MTHFS: variants seen among roughly 807,000 people sequenced by gnomAD.
MTHFS encodes methenyltetrahydrofolate synthetase.
Under a neutral mutation model 12.7 loss-of-function variants are expected in MTHFS, and 7 were observed. That is an observed-to-expected ratio of 0.55 (90% CI 0.31 to 1.03). The LOEUF (loss-of-function observed/expected upper bound fraction) is 1.03, where lower values mean the gene tolerates loss of function less well. Ranked by LOEUF, MTHFS falls within the 50% of genes least tolerant of loss-of-function variation. MTHFS has a pLI of 0.05. For missense variants in MTHFS, 252 were observed against 258.1 expected, an observed-to-expected ratio of 0.98 and a Z score of 0.16; for synonymous variants, 100 against 97.1, an observed-to-expected ratio of 1.03 and a Z score of -0.18.
At chr15:79,850,275 A>G (rs1428171369) in intron 2 of MTHFS, among the ~76,000 whole-genome samples, 1 of 152,220 alleles carries the variant, frequency 6.6e-6, no homozygotes, top group African/African-American at 2.4e-5. Flanking sequence ...AGCTTTTACA[A>G]TCTTACCTTA....
Position 79,871,401 on chromosome 15 carries a change from A to C in MTHFS, c.379+17692T>G, listed in dbSNP as rs189209973. On this transcript the variant is annotated intron_variant, in intron 2 of 2. Coordinates refer to ENST00000258874, the MANE Select transcript of MTHFS (RefSeq NM_006441.4). ...AAGGCCAGACACATGCATTATTCCC[A>C]AAAAAAGAGGACAGACTGAACAGCC... 9.2e-3 allele frequency among the ~76,000 whole-genome samples: 1,403 copies of C among 152,254 alleles called. 30 individuals are homozygous for C. Among genetic ancestry groups the C allele is most frequent in the African/African-American group, 0.033 (1,351 of 41,544 alleles).
chr15:79,858,903 T>C (rs746337263), intron 2 of MTHFS, among the ~76,000 whole-genome samples: 2 of 152,246 alleles, frequency 1.3e-5, no homozygotes, highest in Non-Finnish European at 2.9e-5. Context: ...CCTATGCTCC[T>C]ACGCTTTCCT....
In MTHFS at chr15:79,878,510, T is replaced by A. The variant is rs192613283; in HGVS notation, c.379+10583A>T. The stretch of plus-strand genomic sequence containing the variant: ...CTATGCAACTCAGATGGCCATTATC[T>A]AGTTTGCCGTAGTGCCTAGCAAGGC... On this transcript the variant is annotated intron_variant, in intron 2 of 2. Transcript: ENST00000258874. Among the ~76,000 whole-genome samples the A allele has an allele frequency of 2.9e-3, 436 of 148,532 alleles. 1 individual carries two copies. The highest frequency in any genetic ancestry group is 0.011 in the African/African-American group (423 of 40,008).
chr15:79,893,605 G>A (rs2034513530), intron 1 of MTHFS, among the ~76,000 whole-genome samples: 1 of 151,108 alleles, frequency 6.6e-6, no homozygotes, highest in Admixed American at 6.6e-5. Context: ...AGCTGAGACA[G>A]GAGAATGGCA....
At chr15:79,847,173 T>C (rs940518068) in intron 2 of MTHFS, among the ~76,000 whole-genome samples, 2 of 152,026 alleles carry the variant, frequency 1.3e-5, no homozygotes, top group Non-Finnish European at 2.9e-5. Flanking sequence ...GGTCTAAGTA[T>C]CTTTCAGAAA....
chr15:79,873,302 T>C (rs2141362155), intron 2 of MTHFS, among the ~76,000 whole-genome samples: 1 of 152,322 alleles, frequency 6.6e-6, no homozygotes, highest in East Asian at 1.9e-4. Context: ...CTGAGCCTTT[T>C]TTCTGATCTA....
chr15:79,867,692 T>A (rs2034036452), intron 2 of MTHFS, among the ~76,000 whole-genome samples: 1 of 152,090 alleles, frequency 6.6e-6, no homozygotes, highest in South Asian at 2.1e-4. Context: ...AGAGCTAGTA[T>A]ATGTGGGACA....
intron 2 of MTHFS, among the ~76,000 whole-genome samples, chr15:79,857,498 C>G (rs2033831602): frequency 6.6e-6 from 1 of 152,154 alleles, no homozygotes; most frequent in African/African-American, 2.4e-5. Flanking sequence ...TTGCTCTCTT[C>G]TTGCATGCCT....
At chr15:79,871,548 T>TTG (rs2034105962) in intron 2 of MTHFS, among the ~76,000 whole-genome samples, 1 of 152,046 alleles carries the variant, frequency 6.6e-6, no homozygotes. Flanking sequence ...TTTTTTTTTT[T>TTG]TAGTGTTCAA....
rs185305271 is a variant in MTHFS, at chr15:79,846,033, G to A, written c.380-591C>T. On this transcript the variant is annotated intron_variant, in intron 2 of 2. Coordinates refer to ENST00000258874, the MANE Select transcript of MTHFS (RefSeq NM_006441.4). Reference sequence around the variant, plus strand: ...CCTACTCAAGGAAAGGTACAAGATGGGGACCCACAACTAGTTCTCTGGCTA... The same window carrying A: ...CCTACTCAAGGAAAGGTACAAGATGAGGACCCACAACTAGTTCTCTGGCTA... Among the ~76,000 whole-genome samples, 137 of 152,302 alleles carry A rather than the reference G, an allele frequency of 9.0e-4. 1 individual carries two copies. Among genetic ancestry groups the A allele is most frequent in the Admixed American group, 1.4e-3 (22 of 15,300 alleles).
intron 1 of MTHFS, 101 bp from the exon 2 acceptor site, chr15:79,889,455 A>C (rs1365607997): frequency 9.3e-6 from 13 of 1,396,328 alleles, no homozygotes; most frequent in South Asian, 2.9e-5. Context: ...ATTTCTTTAA[A>C]TATTAAAAAG....
At chr15:79,861,179 A>G (rs935354976) in intron 2 of MTHFS, among the ~76,000 whole-genome samples, 3 of 152,160 alleles carry the variant, frequency 2.0e-5, no homozygotes, top group Non-Finnish European at 2.9e-5. Context: ...CTCATTTTCA[A>G]ATGATCAGAG....
intron 2 of MTHFS, among the ~76,000 whole-genome samples, chr15:79,866,792 A>G (rs1044923006): frequency 7.2e-5 from 11 of 152,070 alleles, no homozygotes; most frequent in Admixed American, 7.2e-4. Flanking sequence ...CTCTACCAAA[A>G]ACACAAAAAA....
At chr15:79,881,957 C>T (rs1470129552) in intron 2 of MTHFS, among the ~76,000 whole-genome samples, 3 of 152,204 alleles carry the variant, frequency 2.0e-5, no homozygotes, top group African/African-American at 7.2e-5. Flanking sequence ...CTCCCTCCCA[C>T]AGTGCCTAAC....
chr15:79,889,379 T>A, intron 1 of MTHFS, 25 bp from the exon 2 acceptor site: 1 of 1,605,612 alleles, frequency 6.2e-7, no homozygotes, highest in Non-Finnish European at 8.5e-7. Context: ...ATGGCAATTA[T>A]ATTTTCCAAG....
At chr15:79,897,276 G>A, upstream of MTHFS, 2 of 450,956 alleles carry the variant, frequency 4.4e-6, no homozygotes, top group Non-Finnish European at 7.7e-6. Flanking sequence ...TGACCTCCCT[G>A]AGCCTGGGCC....
chr15:79,879,943 G>A (rs922383162), intron 2 of MTHFS, among the ~76,000 whole-genome samples: 2 of 152,160 alleles, frequency 1.3e-5, no homozygotes, highest in Non-Finnish European at 2.9e-5. Context: ...TTTTACAGTG[G>A]ATTTGACTGC....
chr15:79,897,191 G>C (rs2865825), upstream of MTHFS: 1 of 478,592 alleles, frequency 2.1e-6, no homozygotes, highest in South Asian at 4.6e-5. Context: ...CCCAGCCCTC[G>C]TGCGGTCCCC....
intron 2 of MTHFS, chr15:79,878,278 G>A (rs2077815544): frequency 6.6e-6 from 1 of 151,854 alleles, no homozygotes; most frequent in African/African-American, 2.4e-5. Flanking sequence ...TCTTTTCTGA[G>A]TGCACTCAGA....
Sources: allele counts gnomAD v4.1 joint callset (sites outside exome capture counted in the v4.1 genomes callset), GRCh38; gene constraint gnomAD v4.1.1; transcripts MANE v1.5; gene names NCBI Gene and HGNC (gene_info 2026-07-23, HGNC 2026-07-21).